The following TMEM126A variants were observed in gnomAD, a reference collection of about 807,000 sequenced individuals.
TMEM126A encodes the protein transmembrane protein 126A.
A neutral mutation model predicts 18.3 loss-of-function variants in TMEM126A; 10 were observed. The observed-to-expected ratio is 0.55, with a 90% CI of 0.34 to 0.93. TMEM126A has a LOEUF of 0.93. Among genes scored for constraint, TMEM126A ranks in the 40% least tolerant of loss-of-function variants. TMEM126A has a pLI of 0.02. For synonymous variants in TMEM126A, 68 were observed against 78.1 expected, an observed-to-expected ratio of 0.87 and a Z score of 0.68; for missense variants, 246 against 230.2, an observed-to-expected ratio of 1.07 and a Z score of -0.44.
rs1002370174 is a variant in TMEM126A, at chr11:85,655,282, G to T, written c.281-312G>T. On this transcript the variant is annotated intron_variant, in intron 3 of 4. Coordinates refer to ENST00000304511, the MANE Select transcript of TMEM126A (RefSeq NM_032273.4). ...TCGCCCATTTAATTGAACAGACTGA[G>T]TGAAAATATTAGCCTAGGTCTGTTG... 19 of 286,746 alleles carry T rather than the reference G, an allele frequency of 6.6e-5. 1 individual carries two copies. The highest frequency in any genetic ancestry group is 1.1e-4 in the Non-Finnish European group (17 of 148,872). The allele number at this position is 286,746 out of a possible 1,614,324, so 17.8% of individuals were successfully genotyped here. A position where few individuals can be genotyped will look rare whatever the true frequency, so the allele number is the denominator to read the frequency against.
At chr11:85,655,408 C>A in intron 3 of TMEM126A, 186 bp from the exon 4 acceptor site, 1 of 538,286 alleles carries the variant, frequency 1.9e-6, no homozygotes, top group African/African-American at 1.9e-5. Context: ...AATAGTTTTA[C>A]CAATTATTCC....
intron 3 of TMEM126A, 90 bp from the exon 4 acceptor site, chr11:85,655,504 C>A: frequency 2.1e-6 from 2 of 953,474 alleles, no homozygotes; most frequent in Non-Finnish European, 3.4e-6. Flanking sequence ...TGAAAAATAC[C>A]TGTGATACAC....
intron 2 of TMEM126A, among the ~76,000 whole-genome samples, chr11:85,651,249 G>T (rs550522993): frequency 6.6e-6 from 1 of 152,164 alleles, no homozygotes; most frequent in African/African-American, 2.4e-5. Flanking sequence ...GAGAGGGACA[G>T]TGTCTTAAGT....
At chr11:85,655,529 C>A (rs1456831926) in intron 3 of TMEM126A, 65 bp from the exon 4 acceptor site, 3 of 1,178,560 alleles carry the variant, frequency 2.5e-6, no homozygotes, top group Middle Eastern at 1.9e-4. Flanking sequence ...GAGGATCTTA[C>A]ATTCTTTAAA....
At chr11:85,653,551 G>A (rs1042625389) in intron 2 of TMEM126A, among the ~76,000 whole-genome samples, 1 of 152,220 alleles carries the variant, frequency 6.6e-6, no homozygotes, top group African/African-American at 2.4e-5. Context: ...TTCAAATCCA[G>A]TTCTACCACT....
chr11:85,648,169 A>C lies in TMEM126A; in HGVS notation c.-8+80A>C, dbSNP rs60734322. ...ACGACGCGGTGACACGCTAGCTACC[A>C]GCAGCGCTGCGCGTAAATGAGAGCA... On this transcript the variant is annotated intron_variant, in intron 1 of 4. Coordinates refer to ENST00000304511, the MANE Select transcript of TMEM126A (RefSeq NM_032273.4). The C allele has an allele frequency of 0.063, 9,653 of 152,476 alleles. 991 individuals carry two copies. Among genetic ancestry groups the C allele is most frequent in the African/African-American group, 0.22 (9,177 of 41,554 alleles). 9.4% of individuals were successfully genotyped at this position (152,476 alleles called of 1,614,324 possible).
intron 1 of TMEM126A, among the ~76,000 whole-genome samples, chr11:85,648,986 G>A (rs1359012226): frequency 1.3e-5 from 2 of 149,494 alleles, no homozygotes; most frequent in Non-Finnish European, 3.0e-5. Flanking sequence ...CCAGGCTGGA[G>A]TGCAGTGGCG....
intron 2 of TMEM126A, 75 bp downstream of exon 2, chr11:85,650,416 T>C: frequency 1.8e-6 from 2 of 1,128,534 alleles, no homozygotes; most frequent in African/African-American, 1.5e-5. Flanking sequence ...CTCAAGTTTA[T>C]CTGGTTTGAG....
intron 2 of TMEM126A, 53 bp from the exon 3 acceptor site, chr11:85,654,010 A>C (rs1280917477): frequency 1.3e-6 from 2 of 1,593,714 alleles, no homozygotes; most frequent in Non-Finnish European, 1.7e-6. Context: ...AGATCGGGAA[A>C]GCTCACACAC....
At chr11:85,651,632 G>C (rs2082500470) in intron 2 of TMEM126A, among the ~76,000 whole-genome samples, 1 of 152,010 alleles carries the variant, frequency 6.6e-6, no homozygotes, top group South Asian at 2.1e-4. Flanking sequence ...CTTAATCAGG[G>C]AGAACCCATA....
At chr11:85,650,173 T>C (rs1363113336) in intron 1 of TMEM126A, 76 bp from the exon 2 acceptor site, 11 of 906,034 alleles carry the variant, frequency 1.2e-5, no homozygotes, top group African/African-American at 8.5e-5. Flanking sequence ...CTCTACAGTA[T>C]TATTTTTAGT....
At chr11:85,649,602 G>A (rs2082485093) in intron 1 of TMEM126A, among the ~76,000 whole-genome samples, 1 of 152,018 alleles carries the variant, frequency 6.6e-6, no homozygotes. Context: ...GTACAGTTTG[G>A]GTAAAGCTAC....
At chr11:85,651,558 G>T (rs1159034594) in intron 2 of TMEM126A, among the ~76,000 whole-genome samples, 1 of 152,174 alleles carries the variant, frequency 6.6e-6, no homozygotes, top group East Asian at 1.9e-4. Context: ...CATTCTGGAA[G>T]CATAATCTTG....
At chr11:85,651,262 AG>A (rs907823410) in intron 2 of TMEM126A, among the ~76,000 whole-genome samples, 38 of 152,250 alleles carry the variant, frequency 2.5e-4, no homozygotes, top group African/African-American at 8.9e-4. Flanking sequence ...TCTTAAGTAG[AG>A]GGAATGGCAT....
chr11:85,650,422 T>A, intron 2 of TMEM126A, 81 bp downstream of exon 2: 1 of 1,071,330 alleles, frequency 9.3e-7, no homozygotes, highest in Non-Finnish European at 1.4e-6. Context: ...TTTATCTGGT[T>A]TGAGTATAAA....
intron 2 of TMEM126A, among the ~76,000 whole-genome samples, chr11:85,652,638 T>G (rs984645131): frequency 1.3e-5 from 2 of 152,176 alleles, no homozygotes; most frequent in Non-Finnish European, 2.9e-5. Flanking sequence ...GGTAACAATT[T>G]TGTGCTAACT....
At chr11:85,648,363 G>A (rs2082476112) in intron 1 of TMEM126A, among the ~76,000 whole-genome samples, 1 of 152,144 alleles carries the variant, frequency 6.6e-6, no homozygotes, top group African/African-American at 2.4e-5. Context: ...ATTTTCAGAG[G>A]TCCCACTTTA....
chr11:85,649,007 A>C (rs1262196165), intron 1 of TMEM126A, among the ~76,000 whole-genome samples: 1 of 145,182 alleles, frequency 6.9e-6, no homozygotes, highest in East Asian at 2.0e-4. Context: ...AGATCTCGGC[A>C]CACTGCAACC....
chr11:85,649,139 T>A (rs1016722002), intron 1 of TMEM126A, among the ~76,000 whole-genome samples: 3 of 152,214 alleles, frequency 2.0e-5, no homozygotes, highest in Non-Finnish European at 4.4e-5. Context: ...TTCACCATGT[T>A]GGCCAGGCTG....
Sources: allele counts gnomAD v4.1 joint callset (sites outside exome capture counted in the v4.1 genomes callset), GRCh38; gene constraint gnomAD v4.1.1; transcripts MANE v1.5; gene names NCBI Gene and HGNC (gene_info 2026-07-23, HGNC 2026-07-21).